EBF2: variants seen among roughly 807,000 people sequenced by gnomAD.
EBF2 encodes transcription factor COE2.
A neutral mutation model predicts 72.8 loss-of-function variants in EBF2; 21 were observed. That is an observed-to-expected ratio of 0.29 (90% confidence interval 0.20 to 0.42). The LOEUF is 0.42. EBF2 is among the 10% of genes least tolerant of loss of function. The pLI, the probability that EBF2 is intolerant of heterozygous loss-of-function variation, is 1.00. For synonymous variants in EBF2, 299 were observed against 274.2 expected, an observed-to-expected ratio of 1.09 and a Z score of -0.89; for missense variants, 637 against 731.2, an observed-to-expected ratio of 0.87 and a Z score of 1.49.
At chr8:25,912,441 AAC>A (rs891063603) in intron 6 of EBF2, among the ~76,000 whole-genome samples, 2 of 149,954 alleles carry the variant, frequency 1.3e-5, no homozygotes, top group African/African-American at 4.9e-5. Flanking sequence ...TTATTAAAAA[AAC>A]ACTTCAAAAT....
At chr8:25,963,639 G>A (rs544838969) in intron 6 of EBF2, among the ~76,000 whole-genome samples, 4 of 152,226 alleles carry the variant, frequency 2.6e-5, no homozygotes, top group East Asian at 1.9e-4. Flanking sequence ...TCCCATGTGC[G>A]ACTACAATGC....
At chr8:26,010,874 G>C (rs75543003) in intron 6 of EBF2, among the ~76,000 whole-genome samples, 269 of 152,136 alleles carry the variant, frequency 1.8e-3, no homozygotes, top group African/African-American at 6.0e-3. Context: ...GAAAGATATT[G>C]ACAAATATGG....
intron 6 of EBF2, among the ~76,000 whole-genome samples, chr8:25,962,848 A>AT (rs540993631): frequency 3.5e-4 from 54 of 152,318 alleles, no homozygotes; most frequent in African/African-American, 1.3e-3. Flanking sequence ...GTCAGAATCA[A>AT]TACATTATGG....
At chr8:25,921,086 A>G (rs913960823) in intron 6 of EBF2, among the ~76,000 whole-genome samples, 11 of 152,198 alleles carry the variant, frequency 7.2e-5, no homozygotes, top group African/African-American at 2.7e-4. Context: ...AAAAAAAGGA[A>G]AAAAGAAAGC....
intron 6 of EBF2, among the ~76,000 whole-genome samples, chr8:26,005,285 A>ATT (rs1193013357): frequency 0.034 from 25 of 728 alleles, 1 homozygote; most frequent in African/African-American, 0.086. Flanking sequence ...ATAATTATAT[A>ATT]ATTATATAAT....
chr8:25,856,111 T>G (rs572891886), intron 14 of EBF2, among the ~76,000 whole-genome samples: 1 of 152,318 alleles, frequency 6.6e-6, no homozygotes, highest in Non-Finnish European at 1.5e-5. Flanking sequence ...GAAGAAATAT[T>G]AAGAAATTCA....
At chr8:25,939,956 T>C (rs922743005) in intron 6 of EBF2, among the ~76,000 whole-genome samples, 1 of 152,214 alleles carries the variant, frequency 6.6e-6, no homozygotes, top group Non-Finnish European at 1.5e-5. Flanking sequence ...TTCCCCATCA[T>C]GATAAAGAAC....
chr8:26,042,263 G>A lies in EBF2; in HGVS notation c.132-12C>T, dbSNP rs200445446. ...ACAGGGCGACCCCGCTGCACAGGGA[G>A]AAAAACGGGGGAACACAAGACACGG... On this transcript the variant is annotated splice_polypyrimidine_tract_variant and intron_variant, in intron 1 of 15. Coordinates refer to ENST00000520164, the MANE Select transcript of EBF2 (RefSeq NM_022659.4). 2.5e-3 allele frequency: 4,007 copies of A among 1,608,324 alleles called. 8 individuals carry two copies. Among genetic ancestry groups the A allele is most frequent in the Non-Finnish European group, 3.1e-3 (3,660 of 1,176,966 alleles).
At chr8:25,986,078 G>A (rs973906712) in intron 6 of EBF2, among the ~76,000 whole-genome samples, 1 of 141,462 alleles carries the variant, frequency 7.1e-6, no homozygotes, top group African/African-American at 2.6e-5. Context: ...ATGTGACATA[G>A]ACTTAAGATA....
At chr8:25,905,863 C>A (rs573454326) in intron 7 of EBF2, among the ~76,000 whole-genome samples, 1 of 152,160 alleles carries the variant, frequency 6.6e-6, no homozygotes, top group African/African-American at 2.4e-5. Context: ...AAAATGCAAA[C>A]AAATTGCCAG....
intron 6 of EBF2, among the ~76,000 whole-genome samples, chr8:25,945,092 C>CG (rs970964226): frequency 1.6e-5 from 2 of 124,990 alleles, no homozygotes; most frequent in Non-Finnish European, 3.5e-5. Context: ...TCTGTTGCCC[C>CG]CCCCGCCCCA....
At chr8:25,915,776 G>A (rs1803204537) in intron 6 of EBF2, among the ~76,000 whole-genome samples, 1 of 152,122 alleles carries the variant, frequency 6.6e-6, no homozygotes, top group Non-Finnish European at 1.5e-5. Context: ...GCTAAATTTT[G>A]GAAGCATTTA....
intron 4 of EBF2, 127 bp from the exon 5 acceptor site, chr8:26,040,228 G>T: frequency 1.0e-6 from 1 of 1,004,128 alleles, no homozygotes; most frequent in East Asian, 2.5e-5. Flanking sequence ...AGGAATTCCC[G>T]CCCGCAGCAC....
intron 6 of EBF2, among the ~76,000 whole-genome samples, chr8:25,986,439 A>T (rs1449120009): frequency 6.6e-6 from 1 of 152,146 alleles, no homozygotes; most frequent in Non-Finnish European, 1.5e-5. Context: ...CCCTCCCTAG[A>T]TTATAAACTC....
Position 25,850,616 on chromosome 8 carries a change from G to T in EBF2, c.1674C>A (p.Ser558Arg). Reference protein sequence around the residue: ...PQGSPSPACSSGNGNGFRAMT... With the variant: ...PQGSPSPACSRGNGNGFRAMT... ...TACCTCTGAATCCATTTCCATTGCC[G>T]CTGGAGCAGGCAGGTGAAGGGGAGC... Residue 558 changes from serine (S) to arginine (R), a missense_variant, in exon 15 of 16, where the codon AGC becomes AGA. Physicochemically the swap from Ser to Arg is moderately radical, Grantham distance 110. Coordinates refer to ENST00000520164, the MANE Select transcript of EBF2 (RefSeq NM_022659.4). The T allele has an allele frequency of 1.3e-6, 2 of 1,561,270 alleles. No individual in the cohort carries two copies. The highest frequency in any genetic ancestry group is 1.7e-6 in the Non-Finnish European group (2 of 1,161,904).
At chr8:25,887,161 C>T (rs1740135953) in intron 9 of EBF2, among the ~76,000 whole-genome samples, 1 of 151,990 alleles carries the variant, frequency 6.6e-6, no homozygotes, top group Admixed American at 6.6e-5. Context: ...CTCTGACCCC[C>T]ACCTTGGAAT....
intron 6 of EBF2, among the ~76,000 whole-genome samples, chr8:25,946,904 C>G (rs1332911427): frequency 6.6e-6 from 1 of 152,100 alleles, no homozygotes; most frequent in African/African-American, 2.4e-5. Context: ...GAGGGTTAGT[C>G]TATCATCTCA....
At chr8:25,980,669 A>G (rs1370417132) in intron 6 of EBF2, among the ~76,000 whole-genome samples, 1 of 151,700 alleles carries the variant, frequency 6.6e-6, no homozygotes, top group Non-Finnish European at 1.5e-5. Flanking sequence ...AGCCCTTCAC[A>G]TGGTCCCAGG....
chr8:26,041,673 G>A (rs1383194204), intron 2 of EBF2, among the ~76,000 whole-genome samples: 1 of 152,218 alleles, frequency 6.6e-6, no homozygotes, highest in East Asian at 1.9e-4. Flanking sequence ...AGAAGACACG[G>A]CCAGAAGGCA....
Sources: allele counts gnomAD v4.1 joint callset (sites outside exome capture counted in the v4.1 genomes callset), GRCh38; gene constraint gnomAD v4.1.1; transcripts MANE v1.5; gene names NCBI Gene and HGNC (gene_info 2026-07-23, HGNC 2026-07-21).